RBM47: variants seen among roughly 807,000 people sequenced by gnomAD.
RBM47 encodes the protein RNA-binding protein 47.
RBM47 carries 21 observed loss-of-function variants against 47.1 expected under a neutral mutation model. That is an observed-to-expected ratio of 0.45 (90% CI 0.32 to 0.64). RBM47 has a LOEUF of 0.64. Among genes scored for constraint, RBM47 ranks in the 30% least tolerant of loss-of-function variants. RBM47 has a pLI of 0.05. For synonymous variants in RBM47, 375 were observed against 361.7 expected (o/e 1.04, Z -0.42); for missense variants, 708 against 870.9 (o/e 0.81, Z 2.35).
intron 2 of RBM47, among the ~76,000 whole-genome samples, chr4:40,503,305 T>C (rs1723647378): frequency 6.6e-6 from 1 of 152,048 alleles, no homozygotes. Flanking sequence ...CATTAGTAGG[T>C]GGTGGGCATT....
At chr4:40,547,313 T>C (rs947493820) in intron 1 of RBM47, among the ~76,000 whole-genome samples, 1 of 152,162 alleles carries the variant, frequency 6.6e-6, no homozygotes, top group Admixed American at 6.6e-5. Flanking sequence ...TAAGATTAAA[T>C]GAGGTCACGG....
intron 1 of RBM47, among the ~76,000 whole-genome samples, chr4:40,555,286 C>T (rs1162905080): frequency 6.6e-6 from 1 of 152,190 alleles, no homozygotes; most frequent in Non-Finnish European, 1.5e-5. Flanking sequence ...CAGCTGGTCT[C>T]AAACTCCTGT....
intron 2 of RBM47, among the ~76,000 whole-genome samples, chr4:40,487,734 A>C (rs1032923849): frequency 2.0e-5 from 3 of 152,020 alleles, no homozygotes; most frequent in Non-Finnish European, 4.4e-5. Context: ...AGATAAATCA[A>C]ATTTAATTGT....
rs1468931001 is a variant in RBM47 at position 40,597,538 on chromosome 4, C to T, written c.-240+31858G>A. On this transcript the variant is annotated intron_variant, in intron 1 of 6. Transcript: ENST00000295971. ...CGGAGGTTGCAGTGAGGCGAGATCA[C>T]GCCACTGCACTCCAGCCTGGGTGAC... Among the ~76,000 whole-genome samples, 168 of 140,342 alleles carry T rather than the reference C, an allele frequency of 1.2e-3. No individual in the cohort carries two copies. In the Middle Eastern group the frequency reaches 0.019, roughly 16 times the overall value. The allele number at this position is 140,342 out of a possible 152,430, so 92.1% of individuals were successfully genotyped here. A position where few individuals can be genotyped will look rare whatever the true frequency, so the allele number is the denominator to read the frequency against.
At chr4:40,607,867 G>A (rs1187419222) in intron 1 of RBM47, among the ~76,000 whole-genome samples, 1 of 152,188 alleles carries the variant, frequency 6.6e-6, no homozygotes, top group African/African-American at 2.4e-5. Flanking sequence ...CACTTTGGGA[G>A]GTTGAGGCGG....
intron 1 of RBM47, among the ~76,000 whole-genome samples, chr4:40,610,567 G>A (rs568820692): frequency 3.6e-5 from 5 of 138,236 alleles, no homozygotes; most frequent in Non-Finnish European, 6.0e-5. Context: ...CCGAGATCGC[G>A]CCACTGCACT....
intron 2 of RBM47, among the ~76,000 whole-genome samples, chr4:40,491,039 C>T (rs1032203060): frequency 3.3e-5 from 5 of 152,032 alleles, no homozygotes; most frequent in African/African-American, 9.7e-5. Context: ...CTACAGTAAA[C>T]GAGACAGTGT....
intron 1 of RBM47, among the ~76,000 whole-genome samples, chr4:40,562,461 A>AT (rs67887812): frequency 0.13 from 14,256 of 113,750 alleles, 1,111 homozygotes; most frequent in Non-Finnish European, 0.14. Flanking sequence ...ACTTCTCCCT[A>AT]TTTTTTTTTT....
In RBM47 at chr4:40,521,639, G is replaced by A. The variant is rs373361781; in HGVS notation, c.-155+22783C>T. Among the ~76,000 whole-genome samples, 29 of 152,280 alleles carry A rather than the reference G, an allele frequency of 1.9e-4. 3 individuals are homozygous for A. Among genetic ancestry groups the A allele is most frequent in the African/African-American group, 7.0e-4 (29 of 41,576 alleles). Reference sequence around the variant, plus strand: ...AAGGAAAAATCACTTGAGAGTCACAGGCTACATTACTTGATAAAACAAACT... The same window carrying A: ...AAGGAAAAATCACTTGAGAGTCACAAGCTACATTACTTGATAAAACAAACT... On this transcript the variant is annotated intron_variant, in intron 2 of 6. Transcript: ENST00000295971.
intron 1 of RBM47, among the ~76,000 whole-genome samples, chr4:40,619,734 T>A (rs1209595986): frequency 6.6e-6 from 1 of 152,148 alleles, no homozygotes; most frequent in East Asian, 1.9e-4. Flanking sequence ...ACCTCACCTA[T>A]GGGATTCCCA....
chr4:40,468,419 G>A (rs1451524439), intron 2 of RBM47, among the ~76,000 whole-genome samples: 1 of 152,142 alleles, frequency 6.6e-6, no homozygotes, highest in Non-Finnish European at 1.5e-5. Flanking sequence ...AATCTAACTA[G>A]TTGCAGAAAC....
At chr4:40,596,199 TG>T (rs1338123569) in intron 1 of RBM47, among the ~76,000 whole-genome samples, 1 of 152,078 alleles carries the variant, frequency 6.6e-6, no homozygotes, top group Non-Finnish European at 1.5e-5. Context: ...TTTGTCGACA[TG>T]AGGTGGGAAA....
At chr4:40,538,891 TC>T (rs1003197719) in intron 2 of RBM47, among the ~76,000 whole-genome samples, 1 of 152,194 alleles carries the variant, frequency 6.6e-6, no homozygotes, top group African/African-American at 2.4e-5. Flanking sequence ...TGCCTTGGCC[TC>T]CCAAAGTGCT....
chr4:40,560,725 G>C (rs1325885033), intron 1 of RBM47, among the ~76,000 whole-genome samples: 1 of 152,150 alleles, frequency 6.6e-6, no homozygotes. Flanking sequence ...CCAGCACTTT[G>C]GGAGGCCAAG....
chr4:40,585,853 A>G (rs772377990), intron 1 of RBM47, among the ~76,000 whole-genome samples: 1 of 152,242 alleles, frequency 6.6e-6, no homozygotes, highest in South Asian at 2.1e-4. Context: ...CAAGCACTCT[A>G]GACCTATGTG....
At chr4:40,563,994 G>A (rs931336538) in intron 1 of RBM47, among the ~76,000 whole-genome samples, 1 of 152,184 alleles carries the variant, frequency 6.6e-6, no homozygotes, top group African/African-American at 2.4e-5. Context: ...AGAATTGCTT[G>A]AGCCCAGGAG....
At chr4:40,601,044 A>C (rs1262590142) in intron 1 of RBM47, among the ~76,000 whole-genome samples, 2 of 150,570 alleles carry the variant, frequency 1.3e-5, no homozygotes, top group Non-Finnish European at 3.0e-5. Context: ...AAGCCTTTCC[A>C]GTCACAGCCT....
At chr4:40,562,461 A>ATTTT (rs67887812) in intron 1 of RBM47, among the ~76,000 whole-genome samples, 2 of 113,744 alleles carry the variant, frequency 1.8e-5, no homozygotes, top group Admixed American at 9.3e-5. Context: ...ACTTCTCCCT[A>ATTTT]TTTTTTTTTT....
rs372574077 is a variant in RBM47 at position 40,426,037 on chromosome 4, G to A, written c.1649C>T (p.Ala550Val). The A allele has an allele frequency of 7.3e-5, 118 of 1,614,232 alleles. No homozygotes were observed. The African/African-American group carries it at 1.5e-3, about 21-fold the overall frequency. ...SYVPFAAPAT[A>V]TIATLQKNAA... Reference sequence around the variant, plus strand: ...GTTCTTCTGTAGTGTGGCGATCGTGGCTGTAGCTGGAGCAGCAAATGGCAC... The same window carrying A: ...GTTCTTCTGTAGTGTGGCGATCGTGACTGTAGCTGGAGCAGCAAATGGCAC... Residue 550 changes from alanine to valine, a missense_variant, in exon 7 of 7, where the codon GCC (alanine) becomes GTC (valine). Physicochemically the swap from Ala to Val is moderately conservative, Grantham distance 64 (BLOSUM62 0). Coordinates refer to ENST00000295971, the MANE Select transcript of RBM47 (RefSeq NM_001098634.2).
Sources: allele counts gnomAD v4.1 joint callset (sites outside exome capture counted in the v4.1 genomes callset), GRCh38; gene constraint gnomAD v4.1.1; transcripts MANE v1.5; gene names NCBI Gene and HGNC (gene_info 2026-07-23, HGNC 2026-07-21).